Variants in EPHA4 observed in about 807,000 individuals in gnomAD.
EPHA4 encodes ephrin type-A receptor 4.
In EPHA4, 19 loss-of-function variants were observed where a neutral mutation model predicts 108.3. The ratio of observed to expected loss-of-function variants is 0.18; its 90% CI spans 0.12 to 0.26. The LOEUF is 0.26. Among genes scored for constraint, EPHA4 ranks in the 10% least tolerant of loss-of-function variants. The pLI, the probability that EPHA4 is intolerant of heterozygous loss-of-function variation, is 1.00. For synonymous variants in EPHA4, 449 were observed against 455.5 expected, an observed-to-expected ratio of 0.99 and a Z score of 0.18; for missense variants, 917 against 1,254.0, an observed-to-expected ratio of 0.73 and a Z score of 4.06.
At chr2:221,436,671 C>T in intron 12 of EPHA4, 63 bp from the exon 13 acceptor site, 1 of 1,481,658 alleles carries the variant, frequency 6.7e-7, no homozygotes. Flanking sequence ...TCTCACCAAG[C>T]ATTTATTACT....
intron 3 of EPHA4, among the ~76,000 whole-genome samples, chr2:221,528,980 A>AAAC (rs538267906): frequency 1.2e-4 from 18 of 152,096 alleles, no homozygotes; most frequent in African/African-American, 1.7e-4. Flanking sequence ...AAACAAAACA[A>AAAC]AACAACAACA....
At chr2:221,505,612 T>C (rs553862616) in intron 3 of EPHA4, among the ~76,000 whole-genome samples, 2 of 152,260 alleles carry the variant, frequency 1.3e-5, no homozygotes, top group East Asian at 1.9e-4. Context: ...GAATGAGCCA[T>C]CACACCTGGG....
chr2:221,435,232 C>T (rs959217845), intron 13 of EPHA4, among the ~76,000 whole-genome samples: 7 of 152,158 alleles, frequency 4.6e-5, no homozygotes, highest in African/African-American at 1.7e-4. Flanking sequence ...CCTTGTTACG[C>T]ACAGAAGGAC....
chr2:221,450,560 G>A (rs1007151522), intron 8 of EPHA4, among the ~76,000 whole-genome samples: 1 of 152,120 alleles, frequency 6.6e-6, no homozygotes, highest in Non-Finnish European at 1.5e-5. Context: ...TGGAAGTCAG[G>A]AGAGCTGAAT....
chr2:221,540,932 CTTT>C (rs762353327), intron 3 of EPHA4, among the ~76,000 whole-genome samples: 10 of 120,622 alleles, frequency 8.3e-5, no homozygotes, highest in African/African-American at 3.1e-5. Context: ...GGAAAACTGT[CTTT>C]TTTTTTTTTT....
rs1409934240 is a variant in EPHA4 at position 221,418,753 on chromosome 2, A to C, written c.*2619T>G. The C allele has an allele frequency of 6.6e-6, 1 of 152,418 alleles. No individual in the cohort carries two copies. The highest frequency in any genetic ancestry group is 1.5e-5 in the Non-Finnish European group (1 of 68,064). 9.4% of individuals were successfully genotyped at this position (152,418 alleles called of 1,614,324 possible). A position where few individuals can be genotyped will look rare whatever the true frequency, so the allele number is the denominator to read the frequency against. On this transcript the variant is annotated 3_prime_UTR_variant, in exon 18 of 18. Transcript: ENST00000281821. ...AGATCGGCACATGAGTTAGCATTGG[A>C]GCTCACTCGGCCAGGGCTTGCCCAC...
chr2:221,567,820 A>G (rs977403485), intron 2 of EPHA4, among the ~76,000 whole-genome samples: 1 of 151,820 alleles, frequency 6.6e-6, no homozygotes, highest in Non-Finnish European at 1.5e-5. Flanking sequence ...CTAATCTTTC[A>G]CCCCCATTGT....
chr2:221,428,086 A>G (rs954792247), intron 15 of EPHA4, among the ~76,000 whole-genome samples: 2 of 152,240 alleles, frequency 1.3e-5, no homozygotes, highest in African/African-American at 4.8e-5. Flanking sequence ...AGAATTTTGG[A>G]CATTTAATTG....
rs967516177 is a variant in EPHA4, at chr2:221,418,067, T to C, written c.*3305A>G. 6.6e-6 allele frequency: 1 copy of C among 152,642 alleles called. No individual in the cohort carries two copies. Among genetic ancestry groups the C allele is most frequent in the Non-Finnish European group, 1.5e-5 (1 of 68,040 alleles). The allele number at this position is 152,642 out of a possible 1,614,324, so 9.5% of individuals were successfully genotyped here. ...CGGCAACTACTTTATTATTTTCAAA[T>C]GCAAACTCTTTGCATTTAGTTTGCT... On this transcript the variant is annotated 3_prime_UTR_variant, in exon 18 of 18. Transcript: ENST00000281821.
At chr2:221,469,135 A>G (rs1691402405) in intron 5 of EPHA4, among the ~76,000 whole-genome samples, 3 of 152,242 alleles carry the variant, frequency 2.0e-5, no homozygotes, top group African/African-American at 7.2e-5. Flanking sequence ...ATAATAGAAA[A>G]GAGTATGTGT....
Position 221,426,124 on chromosome 2 carries a change from A to G in EPHA4, c.2865T>C (p.Gly955=). 1 of 1,614,080 alleles carries G rather than the reference A, an allele frequency of 6.2e-7. No homozygotes were observed. Among genetic ancestry groups the G allele is most frequent in the Non-Finnish European group, 8.5e-7 (1 of 1,179,996 alleles). Reference sequence around the variant, plus strand: ...TATTCTGGTGCGTGATGGCTGTGATACCAATTCTTGCCAGGTCCCTGTACA... The same window carrying G: ...TATTCTGGTGCGTGATGGCTGTGATGCCAATTCTTGCCAGGTCCCTGTACA... ...HVNQEDLARI[G]ITAITHQNKI... The change falls in exon 17 of 18, where the codon GGT becomes GGC. Residue 955 remains glycine, a synonymous_variant. Coordinates refer to ENST00000281821, the MANE Select transcript of EPHA4 (RefSeq NM_004438.5).
intron 5 of EPHA4, among the ~76,000 whole-genome samples, chr2:221,461,062 C>T (rs1171627166): frequency 6.6e-6 from 1 of 152,190 alleles, no homozygotes; most frequent in African/African-American, 2.4e-5. Context: ...GACACTCTTA[C>T]TTCTCCAAGG....
Position 221,564,029 on chromosome 2 carries a change from T to C in EPHA4, c.525A>G (p.Pro175=). 1 of 1,613,888 alleles carries C rather than the reference T, an allele frequency of 6.2e-7. No homozygotes were observed. Among genetic ancestry groups the C allele is most frequent in the South Asian group, 1.1e-5 (1 of 91,040 alleles). Residue 175 remains proline, a synonymous_variant, in exon 3 of 18, where the codon CCA becomes CCG. Coordinates refer to ENST00000281821, the MANE Select transcript of EPHA4 (RefSeq NM_004438.5). ...KLNTEIRDVG[P]LSKKGFYLAF... ...CCAGGTAAAACCCCTTTTTGCTTAATGGCCCTACATCCCGGATCTCGGTGT... is the reference window on the plus strand; with the variant it reads ...CCAGGTAAAACCCCTTTTTGCTTAACGGCCCTACATCCCGGATCTCGGTGT...
chr2:221,457,915 T>A lies in EPHA4; in HGVS notation c.1394A>T (p.Asp465Val), dbSNP rs1458390610. The A allele has an allele frequency of 1.9e-6, 3 of 1,613,942 alleles. No homozygotes were observed. Among genetic ancestry groups the A allele is most frequent in the Non-Finnish European group, 2.5e-6 (3 of 1,179,852 alleles). Residue 465 changes from aspartate (D) to valine (V), a missense_variant, in exon 6 of 18, where the codon GAT becomes GTT. Asp to Val is a radical substitution (Grantham distance 152, BLOSUM62 -3). Around this residue, in one of 3 missense-constraint regions of EPHA4, gnomAD observed 758 missense variants for 1,076.7 expected, o/e 0.70. Coordinates refer to ENST00000281821, the MANE Select transcript of EPHA4 (RefSeq NM_004438.5). ...TTCCAGGATTACCCCATTGGGCCGA[T>A]CTGGTTCCAGCCAAGCCAGTGCCAC... is the stretch of plus-strand genomic sequence containing the variant. Reference protein sequence around the residue: ...YSVALAWLEPDRPNGVILEYE... With the variant: ...YSVALAWLEPVRPNGVILEYE...
intron 3 of EPHA4, among the ~76,000 whole-genome samples, chr2:221,541,174 T>G (rs77736720): frequency 0.016 from 2,445 of 152,218 alleles, 25 homozygotes; most frequent in Non-Finnish European, 0.025. Flanking sequence ...GGCCTTGAAC[T>G]CCTGGATTTA....
intron 3 of EPHA4, among the ~76,000 whole-genome samples, chr2:221,550,954 C>G (rs1285444488): frequency 4.6e-5 from 7 of 151,976 alleles, no homozygotes; most frequent in Admixed American, 3.3e-4. Context: ...ATTCACTCCT[C>G]TGAGAAGTGT....
intron 5 of EPHA4, among the ~76,000 whole-genome samples, chr2:221,466,387 G>C (rs890718692): frequency 2.6e-5 from 4 of 152,210 alleles, no homozygotes; most frequent in Admixed American, 2.6e-4. Context: ...TCAGATGCCA[G>C]TAAACTCCTG....
At chr2:221,430,775 T>C (rs1041939229) in intron 14 of EPHA4, among the ~76,000 whole-genome samples, 1 of 152,178 alleles carries the variant, frequency 6.6e-6, no homozygotes, top group African/African-American at 2.4e-5. Flanking sequence ...GTTAAAGGTG[T>C]TAGTAAGTAG....
intron 3 of EPHA4, among the ~76,000 whole-genome samples, chr2:221,557,960 A>G (rs2106204106): frequency 6.6e-6 from 1 of 152,364 alleles, no homozygotes; most frequent in African/African-American, 2.4e-5. Flanking sequence ...GTATGATTAC[A>G]CATTAATGTG....
Sources: gnomAD v4.1 joint callset for allele counts (sites outside exome capture counted in the v4.1 genomes callset) on GRCh38, gnomAD v4.1.1 for gene constraint, gnomAD v4.1.1 regional missense constraint, MANE v1.5 for transcripts, NCBI Gene and HGNC (gene_info 2026-07-23, HGNC 2026-07-21) for gene names.